The following SCAPER variants were observed in gnomAD, a reference collection of about 807,000 sequenced individuals.
SCAPER encodes S-phase cyclin A associated protein in the ER, also known as S phase cyclin A-associated protein in the endoplasmic reticulum.
In SCAPER, 98 loss-of-function variants were observed where a neutral mutation model predicts 182.2. The observed-to-expected ratio is 0.54, with a 90% confidence interval of 0.46 to 0.64. The LOEUF (loss-of-function observed/expected upper bound fraction) is 0.64, where lower values mean the gene tolerates loss of function less well. Among genes scored for constraint, SCAPER ranks in the 30% least tolerant of loss-of-function variants. The probability of loss-of-function intolerance (pLI) is 0.00; values close to 1 mark genes in which losing one functional copy is unlikely to be tolerated. For synonymous variants in SCAPER, 605 were observed against 564.6 expected, an observed-to-expected ratio of 1.07 and a Z score of -1.01; for missense variants, 1,432 against 1,690.0, an observed-to-expected ratio of 0.85 and a Z score of 2.68.
At chr15:76,829,313 G>T (rs1412245741) in intron 5 of SCAPER, among the ~76,000 whole-genome samples, 1 of 152,160 alleles carries the variant, frequency 6.6e-6, no homozygotes, top group Non-Finnish European at 1.5e-5. Context: ...GGAAAGGTGG[G>T]AGGGGACACA....
At position 76,483,256 on chromosome 15, in the gene SCAPER, T is replaced by C. The variant is rs1028696882; in HGVS notation, c.2955-11921A>G. 9.6e-4 allele frequency among the ~76,000 whole-genome samples: 144 copies of C among 150,024 alleles called. 3 individuals carry two copies. Among genetic ancestry groups the C allele is most frequent in the Middle Eastern group, 3.4e-3 (1 of 292 alleles). On this transcript the variant is annotated intron_variant, in intron 24 of 31. Transcript: ENST00000563290. ...AAGGCAACCAAACAAAGAACAGTCA[T>C]TTCAACAAACGGTGCTAGAACAACT...
At chr15:76,751,299 A>G (rs1358455695) in intron 15 of SCAPER, among the ~76,000 whole-genome samples, 4 of 151,842 alleles carry the variant, frequency 2.6e-5, no homozygotes, top group South Asian at 2.1e-4. Flanking sequence ...GATATCAACA[A>G]TACACAAAGT....
At position 76,615,506 on chromosome 15, in the gene SCAPER, C is replaced by G. The variant is rs1011050258; in HGVS notation, c.2711+6258G>C. 3.8e-4 allele frequency among the ~76,000 whole-genome samples: 56 copies of G among 146,526 alleles called. No homozygotes were observed. In the East Asian group the frequency reaches 8.0e-3, roughly 21 times the overall value. On this transcript the variant is annotated intron_variant, in intron 22 of 31. Coordinates refer to ENST00000563290, the MANE Select transcript of SCAPER (RefSeq NM_020843.4). Reference sequence around the variant, plus strand: ...ACACACACACAGACACACACACACACACACACACACACACACACACACACA... The same window carrying G: ...ACACACACACAGACACACACACACAGACACACACACACACACACACACACA...
At chr15:76,548,983 G>C (rs1045596240) in intron 23 of SCAPER, among the ~76,000 whole-genome samples, 11 of 152,286 alleles carry the variant, frequency 7.2e-5, no homozygotes, top group Non-Finnish European at 1.5e-4. Context: ...CACAGCAAAA[G>C]AAACTACCAT....
Position 76,702,848 on chromosome 15 carries a change from AC to A in SCAPER, c.2400+1del. ...CATTACAATATTGATATAACAACCT[AC>A]CAGGACATTGCAGAGAGAACACTGC... On this transcript the variant is annotated splice_donor_variant, in intron 19 of 31. Transcript: ENST00000563290. LOFTEE classifies it high-confidence loss of function. 6.2e-7 allele frequency: 1 copy of A among 1,600,418 alleles called. No homozygotes were observed. Among genetic ancestry groups the A allele is most frequent in the South Asian group, 1.1e-5 (1 of 87,280 alleles).
intron 24 of SCAPER, among the ~76,000 whole-genome samples, chr15:76,489,663 A>G (rs1404634162): frequency 6.6e-6 from 1 of 152,172 alleles, no homozygotes; most frequent in African/African-American, 2.4e-5. Context: ...ACTTAATATG[A>G]GATCTACCCA....
At chr15:76,789,286 A>T (rs1287712905) in intron 8 of SCAPER, among the ~76,000 whole-genome samples, 1 of 152,134 alleles carries the variant, frequency 6.6e-6, no homozygotes, top group African/African-American at 2.4e-5. Flanking sequence ...ACACATACCA[A>T]GAGGAAAAAA....
At chr15:76,598,903 G>T (rs1235387453) in intron 22 of SCAPER, among the ~76,000 whole-genome samples, 1 of 117,234 alleles carries the variant, frequency 8.5e-6, no homozygotes, top group African/African-American at 2.6e-5. Context: ...TAACCTGTAT[G>T]TTCTGCACAT....
intron 25 of SCAPER, among the ~76,000 whole-genome samples, chr15:76,460,020 T>C (rs2049037229): frequency 6.6e-6 from 1 of 152,172 alleles, no homozygotes; most frequent in Admixed American, 6.5e-5. Flanking sequence ...TTCTCTTCCA[T>C]CGATCTGTAT....
chr15:76,471,513 T>C (rs932089958), intron 24 of SCAPER, among the ~76,000 whole-genome samples, 178 bp from the exon 25 acceptor site: 15 of 152,194 alleles, frequency 9.9e-5, no homozygotes, highest in Non-Finnish European at 1.5e-5. Flanking sequence ...GCTTATAATT[T>C]TCACCCAAAG....
intron 20 of SCAPER, among the ~76,000 whole-genome samples, chr15:76,682,216 T>C (rs1265676308): frequency 6.6e-6 from 1 of 151,712 alleles, no homozygotes; most frequent in Non-Finnish European, 1.5e-5. Flanking sequence ...CATGGCCACA[T>C]ACCCACATCT....
intron 20 of SCAPER, among the ~76,000 whole-genome samples, chr15:76,676,092 C>T (rs184821078): frequency 6.6e-4 from 101 of 152,192 alleles, no homozygotes; most frequent in African/African-American, 2.3e-3. Flanking sequence ...TCCAAAGTGC[C>T]GAGATTACAG....
At chr15:76,732,785 G>A (rs977914020) in intron 16 of SCAPER, among the ~76,000 whole-genome samples, 1 of 152,146 alleles carries the variant, frequency 6.6e-6, no homozygotes, top group African/African-American at 2.4e-5. Flanking sequence ...CTGTACACTT[G>A]GCTCTGCCTT....
At chr15:76,417,809 A>G (rs1444732086) in intron 26 of SCAPER, among the ~76,000 whole-genome samples, 1 of 152,120 alleles carries the variant, frequency 6.6e-6, no homozygotes, top group Non-Finnish European at 1.5e-5. Context: ...CACGAGGTCA[A>G]GAGATCGAGG....
At chr15:76,398,420 TGTCTTA>T (rs1332321061) in intron 27 of SCAPER, among the ~76,000 whole-genome samples, 1 of 152,232 alleles carries the variant, frequency 6.6e-6, no homozygotes, top group Non-Finnish European at 1.5e-5. Context: ...ACAAAATTGA[TGTCTTA>T]GCCATTACTG....
intron 31 of SCAPER, 127 bp from the exon 32 acceptor site, chr15:76,348,863 A>C (rs1313612532): frequency 8.4e-6 from 5 of 594,938 alleles, no homozygotes; most frequent in Non-Finnish European, 1.5e-5. Context: ...AAACCATGAC[A>C]CAATTTAGGT....
intron 8 of SCAPER, among the ~76,000 whole-genome samples, chr15:76,785,167 C>T (rs568770433): frequency 2.0e-5 from 3 of 152,128 alleles, no homozygotes; most frequent in Admixed American, 6.5e-5. Context: ...CTACAAAGAA[C>T]TTAAACAAAT....
chr15:76,558,589 G>GT (rs1473213226), intron 23 of SCAPER, among the ~76,000 whole-genome samples: 1 of 152,194 alleles, frequency 6.6e-6, no homozygotes, highest in Non-Finnish European at 1.5e-5. Flanking sequence ...AAGTAAGTTA[G>GT]TTCAGCCACT....
At chr15:76,544,507 A>G (rs981450826) in intron 23 of SCAPER, among the ~76,000 whole-genome samples, 1 of 152,224 alleles carries the variant, frequency 6.6e-6, no homozygotes, top group Non-Finnish European at 1.5e-5. Flanking sequence ...ATGCGGATAC[A>G]AGCTATAATG....
Sources: gnomAD v4.1 joint callset for allele counts (sites outside exome capture counted in the v4.1 genomes callset) on GRCh38, gnomAD v4.1.1 for gene constraint, MANE v1.5 for transcripts, NCBI Gene and HGNC (gene_info 2026-07-23, HGNC 2026-07-21) for gene names.